FBRS: variants seen among roughly 807,000 people sequenced by gnomAD.
FBRS encodes the protein fibrosin.
FBRS carries 15 observed loss-of-function variants against 86.1 expected under a neutral mutation model. The ratio of observed to expected loss-of-function variants is 0.17; its 90% confidence interval spans 0.12 to 0.27. FBRS has a LOEUF of 0.27. Among genes scored for constraint, FBRS ranks in the 10% least tolerant of loss-of-function variants. FBRS has a pLI of 1.00. For synonymous variants in FBRS, 666 were observed against 575.8 expected, an observed-to-expected ratio of 1.16 and a Z score of -2.24; for missense variants, 1,367 against 1,301.6, an observed-to-expected ratio of 1.05 and a Z score of -0.77.
chr16:30,669,025 C>T lies in FBRS; in HGVS notation c.2367-44C>T. ...GCCCCTGCCCCACCCTCAGCCCCTG[C>T]TGCCCCTGGAGAACTTCATTCTCTC... On this transcript the variant is annotated intron_variant, in intron 17 of 17. Coordinates refer to ENST00000356166, the MANE Select transcript of FBRS (RefSeq NM_001105079.3). The surrounding 1 kb of genome is among the most constrained non-coding windows in gnomAD (Gnocchi z 5.9). The T allele has an allele frequency of 6.4e-7, 1 of 1,565,972 alleles. No homozygotes were observed. The highest frequency in any genetic ancestry group is 8.6e-7 in the Non-Finnish European group (1 of 1,156,360).
chr16:30,668,665 T>TTGGGGG, intron 16 of FBRS, 22 bp downstream of exon 16: 6 of 1,456,694 alleles, frequency 4.1e-6, no homozygotes, highest in Non-Finnish European at 5.7e-6. Context: ...TGCGGTGGGG[T>TTGGGGG]GGGGGGGCTG....
intron 2 of FBRS, 77 bp downstream of exon 2, chr16:30,660,519 C>T (rs2052446489): frequency 8.0e-7 from 1 of 1,256,220 alleles, no homozygotes. Flanking sequence ...CGCCACTGCC[C>T]CTTGTAAACA....
chr16:30,662,869 C>G lies in FBRS; in HGVS notation c.1055+10C>G, dbSNP rs914331091. The G allele has an allele frequency of 1.4e-6, 2 of 1,438,650 alleles. No homozygotes were observed. The highest frequency in any genetic ancestry group is 1.8e-6 in the Non-Finnish European group (2 of 1,092,066). 89.1% of individuals were successfully genotyped at this position (1,438,650 alleles called of 1,614,324 possible). A position where few individuals can be genotyped will look rare whatever the true frequency, so the allele number is the denominator to read the frequency against. ...ACCTCAGCACTGGCAGGTGAGTGGT[C>G]TTGGGGGATTGATGCGGTCCGGAAG... On this transcript the variant is annotated intron_variant, in intron 6 of 17. Coordinates refer to ENST00000356166, the MANE Select transcript of FBRS (RefSeq NM_001105079.3).
chr16:30,665,776 G>A lies in FBRS; in HGVS notation c.1773+70G>A. 1 of 1,421,034 alleles carries A rather than the reference G, an allele frequency of 7.0e-7. No individual in the cohort carries two copies. Among genetic ancestry groups the A allele is most frequent in the Non-Finnish European group, 9.7e-7 (1 of 1,032,370 alleles). The allele number at this position is 1,421,034 out of a possible 1,614,324, so 88.0% of individuals were successfully genotyped here. A position where few individuals can be genotyped will look rare whatever the true frequency, so the allele number is the denominator to read the frequency against. On this transcript the variant is annotated intron_variant, in intron 11 of 17. Coordinates refer to ENST00000356166, the MANE Select transcript of FBRS (RefSeq NM_001105079.3). This position sits in a 1 kb window ranked among gnomAD's most constrained non-coding sequence, Gnocchi z 4.1. The stretch of plus-strand genomic sequence containing the variant: ...GCGGGGAGAACAGAACTGACTTGAG[G>A]AGAGTGAACTGCTGATTCCTCCCTT...
At position 30,664,311 on chromosome 16, in the gene FBRS, C is replaced by T. The variant is rs966489474; in HGVS notation, c.1152C>T (p.Ser384=). 8 of 1,540,556 alleles carry T rather than the reference C, an allele frequency of 5.2e-6. No individual in the cohort carries two copies. Among genetic ancestry groups the T allele is most frequent in the African/African-American group, 1.4e-5 (1 of 72,600 alleles). Residue 384 remains serine (S), a synonymous_variant, in exon 7 of 18, where the codon TCC becomes TCT. Transcript: ENST00000356166. Reference sequence around the variant, plus strand: ...CCTCCTCCTCCTCATCTGCCTCCTCCTCGTCCGCGCAGCTCACCCACCGGC... The same window carrying T: ...CCTCCTCCTCCTCATCTGCCTCCTCTTCGTCCGCGCAGCTCACCCACCGGC... ...SSSSSSSSAS[S]SSAQLTHRPP... is the part of the protein sequence containing the mutation.
chr16:30,666,378 C>A, intron 11 of FBRS, 134 bp from the exon 12 acceptor site: 3 of 1,081,608 alleles, frequency 2.8e-6, no homozygotes, highest in Non-Finnish European at 4.2e-6. Flanking sequence ...GGAGTTTGGG[C>A]CTGAGCAGGA....
chr16:30,670,038 C>G lies in FBRS; in HGVS notation c.*393C>G. On this transcript the variant is annotated 3_prime_UTR_variant, in exon 18 of 18. Coordinates refer to ENST00000356166, the MANE Select transcript of FBRS (RefSeq NM_001105079.3). ...TCACCTACCACCCAAGTCCTCATGC[C>G]CTCCGAGGGCTGGGGGAGGAGGGGC... The G allele has an allele frequency of 2.0e-6, 1 of 504,200 alleles. No individual in the cohort carries two copies. Among genetic ancestry groups the G allele is most frequent in the South Asian group, 1.5e-5 (1 of 64,740 alleles). The allele number at this position is 504,200 out of a possible 1,614,324, so 31.2% of individuals were successfully genotyped here.
Position 30,669,793 on chromosome 16 carries a change from A to G in FBRS, c.*148A>G. On this transcript the variant is annotated 3_prime_UTR_variant, in exon 18 of 18. Transcript: ENST00000356166. The surrounding 1 kb of genome is among the most constrained non-coding windows in gnomAD (Gnocchi z 5.9). ...CATGGAACCTGGGAACAGAAGCCTC[A>G]ACCCCCACAAGACCAAGCATCACAT... The G allele has an allele frequency of 9.8e-7, 1 of 1,020,286 alleles. No homozygotes were observed. The allele number at this position is 1,020,286 out of a possible 1,614,324, so 63.2% of individuals were successfully genotyped here.
At chr16:30,666,626 A>C in intron 12 of FBRS, 85 bp downstream of exon 12, 2 of 1,597,706 alleles carry the variant, frequency 1.3e-6, no homozygotes, top group Non-Finnish European at 8.6e-7. Context: ...CTTACAAATA[A>C]GTGAGAAGCC....
rs777991641 is a variant in FBRS, at chr16:30,665,814, G to T, written c.1773+108G>T. 4 of 1,023,474 alleles carry T rather than the reference G, an allele frequency of 3.9e-6. No homozygotes were observed. Among genetic ancestry groups the T allele is most frequent in the Non-Finnish European group, 5.8e-6 (4 of 690,970 alleles). The allele number at this position is 1,023,474 out of a possible 1,614,324, so 63.4% of individuals were successfully genotyped here. ...TGATTCCTCCCTTGAATTCACAATC[G>T]GGTGTTCCTGGGTGTCTAATAGAGA... On this transcript the variant is annotated intron_variant, in intron 11 of 17. Transcript: ENST00000356166. The surrounding 1 kb of genome is among the most constrained non-coding windows in gnomAD (Gnocchi z 4.1).
chr16:30,667,135 C>G (rs1170318524), intron 13 of FBRS, 145 bp downstream of exon 13: 1 of 1,006,374 alleles, frequency 9.9e-7, no homozygotes. Context: ...AGTTCTATGG[C>G]TGGCACCTTA....
At chr16:30,663,099 G>T (rs1461993183) in intron 6 of FBRS, 3 of 666,108 alleles carry the variant, frequency 4.5e-6, no homozygotes, top group African/African-American at 3.7e-5. Context: ...GTTTTTTCAG[G>T]CAGGCAAGTC....
chr16:30,667,289 T>G (rs1285190200), intron 13 of FBRS, 31 bp from the exon 14 acceptor site: 2 of 1,484,080 alleles, frequency 1.3e-6, no homozygotes, highest in African/African-American at 2.8e-5. Flanking sequence ...TGGCTCCTCA[T>G]GTACTGCCCC....
At chr16:30,667,053 CA>C in intron 13 of FBRS, 63 bp downstream of exon 13, 1 of 1,468,706 alleles carries the variant, frequency 6.8e-7, no homozygotes, top group Non-Finnish European at 9.4e-7. Flanking sequence ...GAGCTCTGGG[CA>C]TTGGCCCTCA....
rs1334580125 is a variant in FBRS, at chr16:30,668,834, C to G, written c.2221C>G (p.Pro741Ala). The G allele has an allele frequency of 6.3e-7, 1 of 1,596,850 alleles. No individual in the cohort carries two copies. Among genetic ancestry groups the G allele is most frequent in the Non-Finnish European group, 8.5e-7 (1 of 1,176,708 alleles). The part of the protein sequence containing the change: ...PGAPPAFASP[P>A]DPWGRLHRSP... ...GGCCCCACCAGCCTTCGCCTCCCCACCGGACCCATGGGGCCGCCTGCACCG... is the reference window on the plus strand; with the variant it reads ...GGCCCCACCAGCCTTCGCCTCCCCAGCGGACCCATGGGGCCGCCTGCACCG... The change falls in exon 17 of 18, where the codon CCG (proline) becomes GCG (alanine). Residue 741 changes from proline (P) to alanine (A), a missense_variant. Physicochemically the swap from Pro to Ala is conservative, Grantham distance 27. This residue lies in a region of FBRS where 659 missense variants were observed against 678.8 expected (regional missense o/e 0.97). Coordinates refer to ENST00000356166, the MANE Select transcript of FBRS (RefSeq NM_001105079.3).
rs749735520 is a variant in FBRS at position 30,669,311 on chromosome 16, C to G, written c.2609C>G (p.Pro870Arg). ...ERPRPPPFLG[P>R]SPPDRCAGFL... ...CCCCGGCCGCCCCCGTTTCTGGGCC[C>G]TAGCCCACCAGATCGCTGTGCTGGC... Residue 870 changes from proline to arginine, a missense_variant, in exon 18 of 18, where the codon CCT becomes CGT. Physicochemically the swap from Pro to Arg is moderately radical, Grantham distance 103. Coordinates refer to ENST00000356166, the MANE Select transcript of FBRS (RefSeq NM_001105079.3). This position sits in a 1 kb window ranked among gnomAD's most constrained non-coding sequence, Gnocchi z 5.9. 6.2e-7 allele frequency: 1 copy of G among 1,606,452 alleles called. No individual in the cohort carries two copies. The highest frequency in any genetic ancestry group is 8.5e-7 in the Non-Finnish European group (1 of 1,176,976).
rs758333445 is a variant in FBRS at position 30,669,211 on chromosome 16, G to A, written c.2509G>A (p.Ala837Thr). The A allele has an allele frequency of 4.8e-5, 74 of 1,543,682 alleles. 1 individual carries two copies. The highest frequency in any genetic ancestry group is 2.4e-4 in the South Asian group (20 of 84,112). ...GGAGGAGGCTGCCGCCGCCGCTGCC[G>A]CTGCTGCTGCCGCCGCCGCTGCCGC... ...RKEEAAAAAA[A>T]AAAAAAAAAA... is the part of the protein sequence containing the mutation. Residue 837 changes from alanine (A) to threonine (T), a missense_variant, in exon 18 of 18, where the codon GCT (alanine) becomes ACT (threonine). By Grantham distance (58) the Ala-to-Thr change is moderately conservative. Around this residue, in one of 3 missense-constraint regions of FBRS, gnomAD observed 659 missense variants for 678.8 expected, o/e 0.97. Coordinates refer to ENST00000356166, the MANE Select transcript of FBRS (RefSeq NM_001105079.3). This position sits in a 1 kb window ranked among gnomAD's most constrained non-coding sequence, Gnocchi z 5.9.
intron 1 of FBRS, 132 bp downstream of exon 1, chr16:30,660,109 G>C: frequency 6.9e-7 from 1 of 1,440,342 alleles, no homozygotes. Context: ...CCTCTGGCCA[G>C]GCCTCTGCCC....
intron 15 of FBRS, 174 bp downstream of exon 15, chr16:30,667,796 G>A (rs183213523): frequency 1.6e-4 from 83 of 534,394 alleles, no homozygotes; most frequent in African/African-American, 1.4e-3. Flanking sequence ...TGTAAAATGA[G>A]TAGGGAAGGG....
Sources: gnomAD v4.1 joint callset for allele counts on GRCh38, gnomAD v4.1.1 for gene constraint, gnomAD v4.1.1 regional missense constraint, Gnocchi (gnomAD v3.1) non-coding constraint, MANE v1.5 for transcripts, NCBI Gene and HGNC (gene_info 2026-07-23, HGNC 2026-07-21) for gene names.